SMOC2: variants seen among roughly 807,000 people sequenced by gnomAD.
SMOC2 encodes SPARC related modular calcium binding 2, also known as SPARC-related modular calcium-binding protein 2.
Under a neutral mutation model 61.4 loss-of-function variants are expected in SMOC2, and 39 were observed. The observed-to-expected ratio is 0.64, with a 90% CI of 0.49 to 0.83. The LOEUF (loss-of-function observed/expected upper bound fraction) is 0.83, where lower values mean the gene tolerates loss of function less well. Among genes scored for constraint, SMOC2 ranks in the 40% least tolerant of loss-of-function variants. The pLI is 0.00. For missense variants in SMOC2, 556 were observed against 592.9 expected (o/e 0.94, Z 0.65); for synonymous variants, 247 against 239.9 (o/e 1.03, Z -0.27).
intron 7 of SMOC2, among the ~76,000 whole-genome samples, chr6:168,573,727 AC>A (rs1054342732): frequency 1.4e-3 from 212 of 151,788 alleles, no homozygotes; most frequent in African/African-American, 4.5e-3. Context: ...CCCCAGCAGG[AC>A]CCCGCCTCCC....
chr6:168,649,517 ATCTTTC>A (rs1417600685), intron 9 of SMOC2, among the ~76,000 whole-genome samples: 1 of 152,136 alleles, frequency 6.6e-6, no homozygotes, highest in East Asian at 1.9e-4. Context: ...TCCCCTCGGT[ATCTTTC>A]TCTTTCTACT....
chr6:168,474,894 A>G (rs1782045852), intron 1 of SMOC2, among the ~76,000 whole-genome samples: 1 of 152,154 alleles, frequency 6.6e-6, no homozygotes, highest in Non-Finnish European at 1.5e-5. Context: ...CTGCTAAACT[A>G]CAGTTTCATA....
intron 7 of SMOC2, among the ~76,000 whole-genome samples, chr6:168,558,805 ATG>A (rs917077476): frequency 1.2e-3 from 78 of 67,146 alleles, no homozygotes; most frequent in African/African-American, 1.8e-3. Context: ...GCGTGTGCGC[ATG>A]TGTGTGTGTG....
chr6:168,505,404 C>G (rs948722957), intron 1 of SMOC2, among the ~76,000 whole-genome samples: 23 of 150,310 alleles, frequency 1.5e-4, no homozygotes, highest in Non-Finnish European at 2.2e-4. Flanking sequence ...GGATGAATGA[C>G]TGAATGAAAT....
At chr6:168,448,132 T>C (rs1269543587) in intron 1 of SMOC2, among the ~76,000 whole-genome samples, 1 of 152,152 alleles carries the variant, frequency 6.6e-6, no homozygotes, top group Non-Finnish European at 1.5e-5. Context: ...TGACTAGGAT[T>C]AGTGGTGAGT....
At position 168,453,154 on chromosome 6, in the gene SMOC2, C is replaced by T. The variant is rs1004016172; in HGVS notation, c.84+11700C>T. ...AGTGTGGCTTGAATCTGCTGTCCGA[C>T]GCAGGCAGGTGCAGGCTGTTCTAGA... On this transcript the variant is annotated intron_variant, in intron 1 of 12. Coordinates refer to ENST00000356284, the MANE Select transcript of SMOC2 (RefSeq NM_001166412.2). This position sits in a 1 kb window ranked among gnomAD's most constrained non-coding sequence, Gnocchi z 4.4. Among the ~76,000 whole-genome samples, 3 of 149,840 alleles carry T rather than the reference C, an allele frequency of 2.0e-5. No individual in the cohort carries two copies. The highest frequency in any genetic ancestry group is 7.4e-5 in the African/African-American group (3 of 40,752).
chr6:168,590,896 T>C (rs2115172595), intron 7 of SMOC2, among the ~76,000 whole-genome samples: 1 of 152,318 alleles, frequency 6.6e-6, no homozygotes, highest in Non-Finnish European at 1.5e-5. Context: ...AACGAACTCA[T>C]ATTTTTTTAA....
At chr6:168,456,633 G>T (rs1418164841) in intron 1 of SMOC2, among the ~76,000 whole-genome samples, 1 of 152,178 alleles carries the variant, frequency 6.6e-6, no homozygotes, top group Non-Finnish European at 1.5e-5. Flanking sequence ...CCACAAGAAT[G>T]TTCTGGCTAG....
chr6:168,479,379 A>G (rs1446265970), intron 1 of SMOC2, among the ~76,000 whole-genome samples: 4 of 152,244 alleles, frequency 2.6e-5, no homozygotes, highest in African/African-American at 4.8e-5. Flanking sequence ...TTTCCAGCAT[A>G]AAGGGAATTA....
chr6:168,658,121 T>A (rs1367642053), intron 11 of SMOC2, among the ~76,000 whole-genome samples: 1 of 152,176 alleles, frequency 6.6e-6, no homozygotes, highest in Non-Finnish European at 1.5e-5. Flanking sequence ...AGCAGGTGGC[T>A]GCCAGATCTG....
intron 1 of SMOC2, among the ~76,000 whole-genome samples, chr6:168,465,384 T>C (rs2115007371): frequency 6.6e-6 from 1 of 151,820 alleles, no homozygotes; most frequent in Non-Finnish European, 1.5e-5. Context: ...GGGCTCTTCA[T>C]GAAGAGATTT....
Position 168,650,716 on chromosome 6 carries a change from AGCGTTCTGG to A in SMOC2, c.944_952del (p.Ser315_Asp318delinsAsn). 1.2e-6 allele frequency: 2 copies of A among 1,613,864 alleles called. No homozygotes were observed. The highest frequency in any genetic ancestry group is 1.7e-6 in the Non-Finnish European group (2 of 1,179,994). ...TGCCAAAAAGCATGAGTTTCTGACC[AGCGTTCTGG>A]ACGCGCTGTCCACGGACATGGTCCA... On this transcript the variant is annotated inframe_deletion, in exon 10 of 13. Transcript: ENST00000356284.
chr6:168,638,264 A>G (rs1046272105), intron 9 of SMOC2, among the ~76,000 whole-genome samples: 1 of 152,142 alleles, frequency 6.6e-6, no homozygotes, highest in Non-Finnish European at 1.5e-5. Flanking sequence ...AAAAATAGAA[A>G]GCGTAAAGAC....
At chr6:168,624,520 A>G (rs1429336065) in intron 9 of SMOC2, among the ~76,000 whole-genome samples, 1 of 151,106 alleles carries the variant, frequency 6.6e-6, no homozygotes, top group Non-Finnish European at 1.5e-5. Context: ...CACAGATGAC[A>G]ACAATACAGA....
intron 9 of SMOC2, among the ~76,000 whole-genome samples, chr6:168,612,406 G>GTGACCCCAGCCT (rs1283408881): frequency 7.4e-6 from 1 of 135,522 alleles, no homozygotes; most frequent in Non-Finnish European, 1.6e-5. Flanking sequence ...AGGGGAGAGG[G>GTGACCCCAGCCT]TGACCCCAGC....
Position 168,475,977 on chromosome 6 carries a change from C to A in SMOC2, c.85-33938C>A, listed in dbSNP as rs552890394. Among the ~76,000 whole-genome samples the A allele has an allele frequency of 6.6e-6, 1 of 152,166 alleles. No homozygotes were observed. The highest frequency in any genetic ancestry group is 6.5e-5 in the Admixed American group (1 of 15,292). ...TTGCTAACCGTAGTCCACTTGGGAC[C>A]TTCCCACACGTGGTCTCCCAGAACC... On this transcript the variant is annotated intron_variant, in intron 1 of 12. Transcript: ENST00000356284. The surrounding 1 kb of genome is among the most constrained non-coding windows in gnomAD (Gnocchi z 4.6).
At chr6:168,458,860 C>A in intron 1 of SMOC2, among the ~76,000 whole-genome samples, 1 of 152,196 alleles carries the variant, frequency 6.6e-6, no homozygotes, top group East Asian at 1.9e-4. Flanking sequence ...TTTGCTTATA[C>A]TAATTCTCAT....
intron 1 of SMOC2, among the ~76,000 whole-genome samples, chr6:168,503,473 C>T (rs995866136): frequency 2.0e-5 from 3 of 152,136 alleles, no homozygotes; most frequent in African/African-American, 4.8e-5. Flanking sequence ...GAGGCACCTC[C>T]GTCAGCAGGG....
intron 7 of SMOC2, among the ~76,000 whole-genome samples, chr6:168,562,681 G>C (rs971886678): frequency 2.6e-5 from 4 of 152,156 alleles, no homozygotes; most frequent in Admixed American, 1.3e-4. Context: ...ACGCATCCGG[G>C]GTTATCAGGT....
Sources: allele counts gnomAD v4.1 joint callset (sites outside exome capture counted in the v4.1 genomes callset), GRCh38; gene constraint gnomAD v4.1.1; non-coding constraint Gnocchi (gnomAD v3.1); transcripts MANE v1.5; gene names NCBI Gene and HGNC (gene_info 2026-07-23, HGNC 2026-07-21).